PDE4B: variants seen among roughly 807,000 people sequenced by gnomAD.
PDE4B encodes 3',5'-cyclic-AMP phosphodiesterase 4B.
A neutral mutation model predicts 82.2 loss-of-function variants in PDE4B; 20 were observed. That is an observed-to-expected ratio of 0.24 (90% CI 0.17 to 0.35). The LOEUF is 0.35. Ranked by LOEUF, PDE4B falls within the 10% of genes least tolerant of loss-of-function variation. The pLI, the probability that PDE4B is intolerant of heterozygous loss-of-function variation, is 1.00. For synonymous variants in PDE4B, 320 were observed against 318.9 expected, an observed-to-expected ratio of 1.00 and a Z score of -0.04; for missense variants, 655 against 907.2, an observed-to-expected ratio of 0.72 and a Z score of 3.57.
chr1:66,245,097 G>A (rs1485008496), intron 3 of PDE4B, among the ~76,000 whole-genome samples: 1 of 152,154 alleles, frequency 6.6e-6, no homozygotes, highest in African/African-American at 2.4e-5. Context: ...GATACACACA[G>A]CAGTGGTATT....
chr1:66,088,588 A>G (rs767255240), intron 3 of PDE4B, among the ~76,000 whole-genome samples: 3 of 152,084 alleles, frequency 2.0e-5, no homozygotes, highest in Non-Finnish European at 4.4e-5. Flanking sequence ...ACCCTATGCT[A>G]TACTTGTATT....
chr1:66,296,419 T>C (rs186174145), intron 7 of PDE4B, among the ~76,000 whole-genome samples: 103 of 152,304 alleles, frequency 6.8e-4, no homozygotes, highest in Middle Eastern at 3.4e-3. Context: ...CTGACCCTCA[T>C]TGCAATTCTT....
chr1:65,815,424 C>T (rs1166431537), intron 1 of PDE4B, among the ~76,000 whole-genome samples: 1 of 151,918 alleles, frequency 6.6e-6, no homozygotes. Flanking sequence ...ACTGTTGGCT[C>T]TGTAAGTGAG....
intron 1 of PDE4B, among the ~76,000 whole-genome samples, chr1:65,824,114 A>G (rs757413732): frequency 4.1e-4 from 62 of 152,184 alleles, no homozygotes; most frequent in Non-Finnish European, 7.3e-5. Flanking sequence ...GAATAAAATC[A>G]TGCAATGGAA....
intron 12 of PDE4B, 106 bp from the exon 13 acceptor site, chr1:66,365,561 C>A: frequency 1.7e-6 from 1 of 573,544 alleles, no homozygotes; most frequent in Non-Finnish European, 3.2e-6. Context: ...CATAAATCAA[C>A]AATCCCTCTC....
At chr1:65,984,667 AT>A (rs1401661783) in intron 3 of PDE4B, among the ~76,000 whole-genome samples, 1 of 152,160 alleles carries the variant, frequency 6.6e-6, no homozygotes, top group Non-Finnish European at 1.5e-5. Flanking sequence ...AGGCAGGATA[AT>A]TGCTTAAACC....
chr1:66,159,779 A>G (rs1455508703), intron 3 of PDE4B, among the ~76,000 whole-genome samples: 1 of 152,132 alleles, frequency 6.6e-6, no homozygotes, highest in African/African-American at 2.4e-5. Flanking sequence ...TGTTCCCTAC[A>G]CTTTCCTGGG....
chr1:66,031,237 G>A (rs1653758874), intron 3 of PDE4B, among the ~76,000 whole-genome samples: 1 of 152,048 alleles, frequency 6.6e-6, no homozygotes, highest in Admixed American at 6.5e-5. Context: ...AGAATTTTAG[G>A]TGAGAGGAAA....
chr1:65,826,486 A>T (rs1008509904), intron 1 of PDE4B, among the ~76,000 whole-genome samples: 14 of 152,092 alleles, frequency 9.2e-5, no homozygotes, highest in Non-Finnish European at 1.5e-4. Flanking sequence ...AGGTACTCAG[A>T]GTTACTTTGA....
intron 3 of PDE4B, among the ~76,000 whole-genome samples, chr1:66,072,830 C>T (rs1250875279): frequency 6.6e-6 from 1 of 151,906 alleles, no homozygotes; most frequent in Non-Finnish European, 1.5e-5. Context: ...CAAAGTGGAA[C>T]AAATAGAAAA....
At chr1:65,979,436 T>C (rs1233409742) in intron 3 of PDE4B, among the ~76,000 whole-genome samples, 1 of 152,206 alleles carries the variant, frequency 6.6e-6, no homozygotes, top group East Asian at 1.9e-4. Flanking sequence ...TGCTTTGCCT[T>C]CTGTCTAGTG....
chr1:66,042,622 C>T (rs1654448843), intron 3 of PDE4B: 1 of 151,700 alleles, frequency 6.6e-6, no homozygotes, highest in Non-Finnish European at 1.5e-5. Context: ...CTCCATAAAG[C>T]ATAATTTCTC....
At chr1:66,135,987 G>A (rs1646047798) in intron 3 of PDE4B, among the ~76,000 whole-genome samples, 1 of 152,162 alleles carries the variant, frequency 6.6e-6, no homozygotes, top group South Asian at 2.1e-4. Flanking sequence ...TGATCTGGTT[G>A]TTTCAGATGT....
At chr1:65,950,587 T>C (rs1648942789) in intron 3 of PDE4B, among the ~76,000 whole-genome samples, 2 of 152,064 alleles carry the variant, frequency 1.3e-5, no homozygotes, top group Admixed American at 1.3e-4. Context: ...AGTCTGATCC[T>C]ACAGGACACT....
intron 3 of PDE4B, among the ~76,000 whole-genome samples, chr1:66,084,464 C>T (rs551917329): frequency 2.0e-5 from 3 of 152,222 alleles, no homozygotes; most frequent in Admixed American, 6.5e-5. Context: ...CAATAAAGAG[C>T]TTCTTAGGAA....
chr1:65,806,849 T>G (rs1557756765), intron 1 of PDE4B, among the ~76,000 whole-genome samples: 1 of 152,208 alleles, frequency 6.6e-6, no homozygotes, highest in Non-Finnish European at 1.5e-5. Flanking sequence ...TAAAATACTG[T>G]CAATTGTAGG....
chr1:66,327,838 A>C (rs973645542), intron 7 of PDE4B, among the ~76,000 whole-genome samples: 4 of 152,228 alleles, frequency 2.6e-5, no homozygotes, highest in East Asian at 3.8e-4. Context: ...TAAATGGAAG[A>C]GATCCGAGGG....
chr1:66,262,307 G>A (rs550785232), intron 6 of PDE4B, among the ~76,000 whole-genome samples: 27 of 152,320 alleles, frequency 1.8e-4, no homozygotes, highest in African/African-American at 5.8e-4. Flanking sequence ...GACTCAGTAC[G>A]TTGTAAATCA....
chr1:66,204,025 A>T lies in PDE4B; in HGVS notation c.282-43435A>T, dbSNP rs978031122. ...GATGGTGACGTACAGATGGGTTTTT[A>T]GTGTGGATGTCCTTTCTGTTTGTTA... On this transcript the variant is annotated intron_variant, in intron 3 of 16. Coordinates refer to ENST00000341517, the MANE Select transcript of PDE4B (RefSeq NM_002600.4). 3.9e-5 allele frequency among the ~76,000 whole-genome samples: 6 copies of T among 152,140 alleles called. No individual in the cohort carries two copies. In the East Asian group the frequency reaches 1.2e-3, roughly 29 times the overall value.
Sources: allele counts gnomAD v4.1 joint callset (sites outside exome capture counted in the v4.1 genomes callset), GRCh38; gene constraint gnomAD v4.1.1; transcripts MANE v1.5; gene names NCBI Gene and HGNC (gene_info 2026-07-23, HGNC 2026-07-21).